The following DMTF1 variants were observed in gnomAD, a reference collection of about 807,000 sequenced individuals.
DMTF1 encodes cyclin D binding myb like transcription factor 1.
In DMTF1, 39 loss-of-function variants were observed where a neutral mutation model predicts 91.1. That is an observed-to-expected ratio of 0.43 (90% confidence interval 0.33 to 0.56). DMTF1 has a LOEUF of 0.56. Among genes scored for constraint, DMTF1 ranks in the 20% least tolerant of loss-of-function variants. The pLI, the probability that DMTF1 is intolerant of heterozygous loss-of-function variation, is 0.05. For missense variants in DMTF1, 750 were observed against 914.5 expected (o/e 0.82, Z 2.32); for synonymous variants, 338 against 309.5 (o/e 1.09, Z -0.97).
rs1435799173 is a variant in DMTF1 at position 87,194,778 on chromosome 7, C to T, written c.2123C>T (p.Ala708Val). The T allele has an allele frequency of 6.2e-7, 1 of 1,611,966 alleles. No homozygotes were observed. ...CCTTCACCACATGGCTTTATCCAGG[C>T]ATCTGATGTTATAGATACTGAATCT... ...IVPSPHGFIQ[A>V]SDVIDTESVL... Residue 708 changes from alanine (A) to valine (V), a missense_variant, in exon 17 of 18, where the codon GCA (alanine) becomes GTA (valine). By Grantham distance (64) the Ala-to-Val change is moderately conservative. This residue lies in a region of DMTF1 where 410 missense variants were observed against 420.2 expected (regional missense o/e 0.98). Coordinates refer to ENST00000331242, the MANE Select transcript of DMTF1 (RefSeq NM_001142327.2).
intron 4 of DMTF1, among the ~76,000 whole-genome samples, chr7:87,166,958 A>G (rs1793966459): frequency 6.6e-6 from 1 of 152,196 alleles, no homozygotes; most frequent in South Asian, 2.1e-4. Flanking sequence ...GTTCATAAAG[A>G]TAATAAAATT....
rs1395799943 is a variant in DMTF1 at position 87,166,517 on chromosome 7, A to G, written c.144A>G (p.Glu48=). The part of the protein sequence containing the change: ...ADEIDSEDSI[E]PPHKRLCLSS... ...AAATAGACTCAGAAGATAGTATTGA[A>G]CCTCCACATAAAAGGCTTTGTTTGT... Residue 48 remains glutamate, a synonymous_variant, in exon 4 of 18, where the codon GAA becomes GAG. Transcript: ENST00000331242. The G allele has an allele frequency of 6.2e-7, 1 of 1,613,084 alleles. No individual in the cohort carries two copies. Among genetic ancestry groups the G allele is most frequent in the Non-Finnish European group, 8.5e-7 (1 of 1,179,424 alleles).
At chr7:87,191,161 CTTTTAT>C (rs1398068937) in intron 14 of DMTF1, 134 bp downstream of exon 14, 1 of 576,640 alleles carries the variant, frequency 1.7e-6, no homozygotes, top group Non-Finnish European at 3.0e-6. Context: ...CAGACTTCTA[CTTTTAT>C]AATTTTAATC....
intron 1 of DMTF1, chr7:87,162,708 C>T (rs537761548): frequency 6.6e-6 from 1 of 152,144 alleles, no homozygotes; most frequent in African/African-American, 2.4e-5. Context: ...AGGATCTGTA[C>T]CTTTTTCACT....
intron 4 of DMTF1, among the ~76,000 whole-genome samples, chr7:87,167,019 G>T (rs1002309943): frequency 1.3e-5 from 2 of 152,050 alleles, no homozygotes; most frequent in Admixed American, 6.6e-5. Flanking sequence ...TGCCCTCATT[G>T]AGAAGAAAGC....
In DMTF1 at chr7:87,166,476, C is replaced by T. The variant is rs1240636407; in HGVS notation, c.110-7C>T. On this transcript the variant is annotated splice_polypyrimidine_tract_variant and splice_region_variant and intron_variant, in intron 3 of 17. Transcript: ENST00000331242. The stretch of plus-strand genomic sequence containing the variant: ...GAAATTTTTGTTTGTTTGTTTTCTT[C>T]CATTAGAAGCGGATGAAATAGACTC... 9 of 1,601,080 alleles carry T rather than the reference C, an allele frequency of 5.6e-6. No homozygotes were observed. Among genetic ancestry groups the T allele is most frequent in the Non-Finnish European group, 7.7e-6 (9 of 1,175,570 alleles).
intron 1 of DMTF1, among the ~76,000 whole-genome samples, chr7:87,157,427 G>A (rs1791051526): frequency 6.6e-6 from 1 of 152,102 alleles, no homozygotes. Context: ...ACTTGTATCA[G>A]TACTGTAGTT....
At chr7:87,182,419 T>G (rs1797555182) in intron 10 of DMTF1, 82 bp downstream of exon 10, 2 of 1,353,918 alleles carry the variant, frequency 1.5e-6, no homozygotes, top group South Asian at 2.4e-5. Context: ...TCTTTGCTCT[T>G]GGGGAGCGAT....
intron 15 of DMTF1, 121 bp downstream of exon 15, chr7:87,193,474 G>C: frequency 9.7e-7 from 1 of 1,032,514 alleles, no homozygotes; most frequent in Non-Finnish European, 1.4e-6. Context: ...TCCAGGCACA[G>C]TGTTATACAC....
rs1793845910 is a variant in DMTF1, at chr7:87,166,431, T to G, written c.110-52T>G. The G allele has an allele frequency of 2.6e-6, 4 of 1,568,054 alleles. No individual in the cohort carries two copies. The South Asian group carries it at 4.7e-5, about 18-fold the overall frequency. On this transcript the variant is annotated intron_variant, in intron 3 of 17. Coordinates refer to ENST00000331242, the MANE Select transcript of DMTF1 (RefSeq NM_001142327.2). ...AATTGTAGAGCCATTGTTAGAGATT[T>G]TATTTTCCCTCTTTGGTTTGAAATT...
At chr7:87,176,128 C>T (rs552807365) in intron 7 of DMTF1, among the ~76,000 whole-genome samples, 9 of 152,302 alleles carry the variant, frequency 5.9e-5, no homozygotes, top group Admixed American at 2.0e-4. Flanking sequence ...AATGTAGAAA[C>T]GCAGTGCTGC....
intron 1 of DMTF1, among the ~76,000 whole-genome samples, chr7:87,160,276 CT>C (rs753441691): frequency 0.013 from 1,809 of 134,642 alleles, 23 homozygotes; most frequent in African/African-American, 0.037. Context: ...TTTGTCATTT[CT>C]TTTTTTTTTT....
intron 12 of DMTF1, 168 bp downstream of exon 12, chr7:87,186,148 T>A: frequency 1.5e-6 from 1 of 656,622 alleles, no homozygotes; most frequent in Non-Finnish European, 2.5e-6. Context: ...AGAGAAGAGT[T>A]AATACTGTTT....
intron 1 of DMTF1, chr7:87,154,594 T>G (rs1790194641): frequency 6.6e-6 from 1 of 152,622 alleles, no homozygotes; most frequent in African/African-American, 2.4e-5. Flanking sequence ...TATGAATACA[T>G]TATTTTATGT....
At position 87,166,726 on chromosome 7, in the gene DMTF1, A is replaced by C. The variant is rs1793911501; in HGVS notation, c.232+121A>C. On this transcript the variant is annotated intron_variant, in intron 4 of 17. Coordinates refer to ENST00000331242, the MANE Select transcript of DMTF1 (RefSeq NM_001142327.2). ...TACTGCTTTTTTCTTCATTTAGTCA[A>C]ACCACCTCTTTTTAGCTAACAATAA... is the stretch of plus-strand genomic sequence containing the variant. 4.2e-6 allele frequency: 4 copies of C among 943,626 alleles called. No homozygotes were observed. The South Asian group carries it at 5.8e-5, about 14-fold the overall frequency. 58.5% of individuals were successfully genotyped at this position (943,626 alleles called of 1,614,324 possible).
rs1182702324 is a variant in DMTF1 at position 87,191,035 on chromosome 7, A to G, written c.1494+8A>G. 6.4e-7 allele frequency: 1 copy of G among 1,560,576 alleles called. No individual in the cohort carries two copies. The highest frequency in any genetic ancestry group is 2.3e-5 in the East Asian group (1 of 44,056). On this transcript the variant is annotated splice_region_variant and intron_variant, in intron 14 of 17. Transcript: ENST00000331242. ...ACATTTGAGATTCTTCCCGTGAGTAACGCTTCATATATATTGGCCATTTTT... is the reference window on the plus strand; with the variant it reads ...ACATTTGAGATTCTTCCCGTGAGTAGCGCTTCATATATATTGGCCATTTTT...
At chr7:87,193,107 T>C in intron 14 of DMTF1, 91 bp from the exon 15 acceptor site, 1 of 1,365,352 alleles carries the variant, frequency 7.3e-7, no homozygotes, top group Non-Finnish European at 1.0e-6. Flanking sequence ...AATGGGTAAG[T>C]ACATTTGTGT....
In DMTF1 at chr7:87,188,409, G is replaced by A. The variant is rs111898153; in HGVS notation, c.1411+108G>A. The A allele has an allele frequency of 2.2e-5, 26 of 1,157,216 alleles. 2 individuals are homozygous for A. The highest frequency in any genetic ancestry group is 1.4e-4 in the African/African-American group (9 of 65,002). The allele number at this position is 1,157,216 out of a possible 1,614,324, so 71.7% of individuals were successfully genotyped here. ...ATGTTAATAGAAATTTACCCAAGTC[G>A]GTGAACTGAAGGACATCTAAGATAT... On this transcript the variant is annotated intron_variant, in intron 13 of 17. Transcript: ENST00000331242.
At chr7:87,164,054 TAAAAAAA>T (rs61634018) in intron 2 of DMTF1, among the ~76,000 whole-genome samples, 11 of 73,486 alleles carry the variant, frequency 1.5e-4, no homozygotes, top group African/African-American at 4.9e-4. Context: ...ACGCCTTCTC[TAAAAAAA>T]AAAAAAAAAA....
Sources: gnomAD v4.1 joint callset for allele counts (sites outside exome capture counted in the v4.1 genomes callset) on GRCh38, gnomAD v4.1.1 for gene constraint, gnomAD v4.1.1 regional missense constraint, MANE v1.5 for transcripts, NCBI Gene and HGNC (gene_info 2026-07-23, HGNC 2026-07-21) for gene names.